Variants in OR56B2 observed in about 807,000 individuals in gnomAD.
The protein encoded by OR56B2 is olfactory receptor 56B2.
the OR56B2 span, among the ~76,000 whole-genome samples, chr11:5,762,984 T>G: frequency 6.6e-6 from 1 of 152,072 alleles, no homozygotes; most frequent in Non-Finnish European, 1.5e-5. Context: ...GAATTACTAA[T>G]TTTATATATG....
the OR56B2 span, among the ~76,000 whole-genome samples, chr11:5,763,031 G>A: frequency 3.3e-5 from 5 of 151,802 alleles, no homozygotes; most frequent in African/African-American, 7.3e-5. Context: ...AAGAATACCC[G>A]ATTTATTCTG....
chr11:5,762,727 T>A, the OR56B2 span, among the ~76,000 whole-genome samples: 1 of 150,408 alleles, frequency 6.6e-6, no homozygotes, highest in Non-Finnish European at 1.5e-5. Flanking sequence ...TCTGTACATT[T>A]ATGTATTAAT....
At chr11:5,767,833 C>G in the OR56B2 span, among the ~76,000 whole-genome samples, 6 of 138,378 alleles carry the variant, frequency 4.3e-5, 1 homozygote, top group Admixed American at 7.5e-5. Flanking sequence ...GTATCTGATT[C>G]CATTTGTATG....
At chr11:5,765,536 TTTTGTTTTCAAAGCAAAC>T in the OR56B2 span, 1 of 140,364 alleles carries the variant, frequency 7.1e-6, no homozygotes, top group South Asian at 2.4e-4. Context: ...TCACTGAATC[TTTTGTTTTCAAAGCAAAC>T]GGGTTCATGG....
At chr11:5,761,226 C>G in the OR56B2 span, 25,699 of 152,058 alleles carry the variant, frequency 0.17, 2,304 homozygotes, top group East Asian at 0.25. Context: ...ACAAGTCTTT[C>G]ACAGGACACC....
At chr11:5,768,295 C>A in the OR56B2 span, among the ~76,000 whole-genome samples, 3 of 139,428 alleles carry the variant, frequency 2.2e-5, no homozygotes, top group Non-Finnish European at 3.2e-5. Context: ...TTAGGTAGTT[C>A]CCACTTAAAA....
chr11:5,761,543 A>T, the OR56B2 span, among the ~76,000 whole-genome samples: 25,752 of 152,098 alleles, frequency 0.17, 2,333 homozygotes, highest in East Asian at 0.25. Context: ...GTTTTGGCAT[A>T]TTTTATTTTA....
At chr11:5,763,336 G>A in the OR56B2 span, among the ~76,000 whole-genome samples, 24 of 141,998 alleles carry the variant, frequency 1.7e-4, 2 homozygotes, top group Admixed American at 5.7e-4. Context: ...TTTTTGAGAC[G>A]GAGTTTCACT....
At chr11:5,766,604 G>T in the OR56B2 span, 2 of 139,248 alleles carry the variant, frequency 1.4e-5, 1 homozygote, top group African/African-American at 5.3e-5. Context: ...TAATCATTAG[G>T]CAAATTCAAT....
At chr11:5,763,345 C>CATAGGTGAGGACTATGGCACAGA in the OR56B2 span, among the ~76,000 whole-genome samples, 54 of 144,038 alleles carry the variant, frequency 3.7e-4, no homozygotes, top group East Asian at 8.1e-4. Context: ...CGGAGTTTCA[C>CATAGGTGAGGACTATGGCACAGA]TCTTGTTGCC....
chr11:5,766,815 G>C, the OR56B2 span: 1 of 139,790 alleles, frequency 7.2e-6, no homozygotes, highest in Non-Finnish European at 1.6e-5. Flanking sequence ...CTGTGGAAGA[G>C]TTTGGCAATT....
chr11:5,768,819 A>G, the OR56B2 span, among the ~76,000 whole-genome samples: 2 of 140,142 alleles, frequency 1.4e-5, 1 homozygote, highest in Non-Finnish European at 3.2e-5. Context: ...GCCTTTATTT[A>G]ATCATAATAC....
chr11:5,768,037 A>C, the OR56B2 span, among the ~76,000 whole-genome samples: 45 of 138,794 alleles, frequency 3.2e-4, 15 homozygotes, highest in South Asian at 8.5e-3. Context: ...ACCCAATTGT[A>C]CGTTTTCTTT....
chr11:5,763,079 TAC>T, the OR56B2 span, among the ~76,000 whole-genome samples: 348 of 152,272 alleles, frequency 2.3e-3, no homozygotes, highest in African/African-American at 7.4e-3. Flanking sequence ...TCAAAAATAG[TAC>T]AGTTTTAAAA....
the OR56B2 span, chr11:5,765,554 C>T: frequency 0.88 from 122,223 of 138,662 alleles, 56,742 homozygotes; most frequent in Middle Eastern, 0.97. Flanking sequence ...TCAAAGCAAA[C>T]GGGTTCATGG....
chr11:5,762,130 A>T, the OR56B2 span, among the ~76,000 whole-genome samples: 1 of 152,136 alleles, frequency 6.6e-6, no homozygotes. Flanking sequence ...GTTTTTCATT[A>T]TAAAAGATTT....
the OR56B2 span, among the ~76,000 whole-genome samples, chr11:5,768,434 G>T: frequency 7.1e-6 from 1 of 139,928 alleles, no homozygotes; most frequent in Non-Finnish European, 1.6e-5. Context: ...GTATTCCATT[G>T]TATATCATAC....
the OR56B2 span, among the ~76,000 whole-genome samples, chr11:5,762,347 G>A: frequency 3.8e-4 from 57 of 151,958 alleles, no homozygotes; most frequent in South Asian, 6.6e-3. Context: ...TTCATTTATC[G>A]TTTAATGCCC....
the OR56B2 span, chr11:5,765,767 A>T: frequency 7.1e-6 from 1 of 140,258 alleles, no homozygotes; most frequent in East Asian, 2.1e-4. Context: ...TGATTATTTT[A>T]TCATATGCTC....
Sources: allele counts gnomAD v4.1 joint callset (sites outside exome capture counted in the v4.1 genomes callset), GRCh38; gene constraint gnomAD v4.1.1; transcripts MANE v1.5; gene names NCBI Gene and HGNC (gene_info 2026-07-23, HGNC 2026-07-21).